VAMP7: variants seen among roughly 807,000 people sequenced by gnomAD.
VAMP7 encodes the protein vesicle-associated membrane protein 7.
In VAMP7, 14 loss-of-function variants were observed where a neutral mutation model predicts 29.6. The observed-to-expected ratio is 0.47, with a 90% CI of 0.31 to 0.74. VAMP7 has a LOEUF of 0.74. VAMP7 is among the 30% of genes least tolerant of loss of function. The pLI is 0.05. For synonymous variants in VAMP7, 95 were observed against 88.1 expected (o/e 1.08, Z -0.44); for missense variants, 223 against 262.4 (o/e 0.85, Z 1.04).
chrX:155,889,352 C>G, intron 1 of VAMP7, 106 bp from the exon 2 acceptor site: 1 of 1,429,094 alleles, frequency 7.0e-7, no homozygotes. Context: ...TATAGTGCCT[C>G]GTTAGATACT....
chrX:155,922,225 C>T (rs2066406608), intron 6 of VAMP7, among the ~76,000 whole-genome samples: 1 of 151,868 alleles, frequency 6.6e-6, no homozygotes, highest in Non-Finnish European at 1.5e-5. Flanking sequence ...CTTTTATTTT[C>T]CTTCCCTTAT....
intron 3 of VAMP7, among the ~76,000 whole-genome samples, chrX:155,896,522 T>C (rs921322816): frequency 6.6e-6 from 1 of 152,166 alleles, no homozygotes; most frequent in Non-Finnish European, 1.5e-5. Flanking sequence ...AATGATGTCA[T>C]TAAGGTCCTT....
At chrX:155,940,857 T>C (rs2066733889) in intron 7 of VAMP7, among the ~76,000 whole-genome samples, 1 of 152,174 alleles carries the variant, frequency 6.6e-6, no homozygotes. Context: ...CAGAATTTGC[T>C]GTAATCTGCC....
At chrX:155,917,447 A>ATC in intron 5 of VAMP7, among the ~76,000 whole-genome samples, 1 of 152,228 alleles carries the variant, frequency 6.6e-6, no homozygotes, top group Admixed American at 6.5e-5. Context: ...TCATGGATTT[A>ATC]TCTACCTTTG....
At chrX:155,894,717 G>C (rs929237752) in intron 2 of VAMP7, among the ~76,000 whole-genome samples, 7 of 151,996 alleles carry the variant, frequency 4.6e-5, no homozygotes, top group African/African-American at 1.7e-4. Flanking sequence ...CTGGGTTCCA[G>C]CGATCCTCCT....
At chrX:155,939,938 C>A in intron 7 of VAMP7, 145 bp downstream of exon 7, 1 of 685,202 alleles carries the variant, frequency 1.5e-6, no homozygotes, top group East Asian at 2.6e-5. Flanking sequence ...AGTGGCTTTC[C>A]TATGAAGTCA....
chrX:155,908,366 G>A (rs1176709639), intron 5 of VAMP7, among the ~76,000 whole-genome samples: 4 of 152,182 alleles, frequency 2.6e-5, no homozygotes, highest in Admixed American at 1.3e-4. Context: ...AGACCAGCCC[G>A]GCCAACACAG....
intron 6 of VAMP7, among the ~76,000 whole-genome samples, chrX:155,935,844 G>C (rs972299638): frequency 6.6e-6 from 1 of 151,918 alleles, no homozygotes; most frequent in African/African-American, 2.4e-5. Context: ...TCTACCTTTG[G>C]TCTTTGATGA....
chrX:155,911,542 C>T (rs1321544924), intron 5 of VAMP7, among the ~76,000 whole-genome samples: 1 of 152,006 alleles, frequency 6.6e-6, no homozygotes, highest in African/African-American at 2.4e-5. Context: ...TTGCTTTGGG[C>T]TTATGGTCAT....
At chrX:155,936,414 C>G (rs1048693558) in intron 6 of VAMP7, among the ~76,000 whole-genome samples, 28 of 152,330 alleles carry the variant, frequency 1.8e-4, no homozygotes, top group Non-Finnish European at 3.7e-4. Context: ...GCCTCTCCTC[C>G]AGCCTCGCTG....
intron 1 of VAMP7, among the ~76,000 whole-genome samples, chrX:155,884,419 G>A (rs767741642): frequency 4.6e-5 from 7 of 152,264 alleles, no homozygotes; most frequent in Admixed American, 1.3e-4. Flanking sequence ...GAACCACTGC[G>A]CCCAGCCAAA....
intron 5 of VAMP7, among the ~76,000 whole-genome samples, chrX:155,902,208 A>G (rs1055925845): frequency 2.6e-5 from 4 of 151,908 alleles, no homozygotes; most frequent in African/African-American, 7.2e-5. Flanking sequence ...TGATTTTTGT[A>G]CATTGATTTT....
At chrX:155,894,318 TTTTTTAATGTGTCC>T (rs2065960485) in intron 2 of VAMP7, among the ~76,000 whole-genome samples, 3 of 151,172 alleles carry the variant, frequency 2.0e-5, no homozygotes, top group African/African-American at 7.3e-5. Flanking sequence ...TTTTTTTTTT[TTTTTTAATGTGTCC>T]TTTTTAAAGT....
intron 1 of VAMP7, among the ~76,000 whole-genome samples, chrX:155,885,656 T>C (rs2065856628): frequency 6.6e-6 from 1 of 152,018 alleles, no homozygotes; most frequent in Admixed American, 6.6e-5. Flanking sequence ...GGCATCCATA[T>C]AAAAGAAGAG....
chrX:155,894,565 G>A (rs1212101471), intron 2 of VAMP7, among the ~76,000 whole-genome samples: 1 of 151,592 alleles, frequency 6.6e-6, no homozygotes, highest in Non-Finnish European at 1.5e-5. Context: ...TTACCTCTAG[G>A]CCCTTATGCT....
intron 1 of VAMP7, among the ~76,000 whole-genome samples, chrX:155,885,134 T>G (rs1054035819): frequency 1.3e-5 from 2 of 152,234 alleles, no homozygotes; most frequent in African/African-American, 4.8e-5. Context: ...GCATTTATAA[T>G]TCTCATTTGA....
intron 6 of VAMP7, among the ~76,000 whole-genome samples, chrX:155,920,620 G>T (rs765742125): frequency 1.3e-5 from 2 of 152,282 alleles, no homozygotes; most frequent in East Asian, 3.9e-4. Flanking sequence ...CTAGTATCAG[G>T]TTGCCTGGAT....
intron 4 of VAMP7, among the ~76,000 whole-genome samples, chrX:155,899,770 T>C (rs1355349410): frequency 6.6e-6 from 1 of 152,068 alleles, no homozygotes; most frequent in Admixed American, 6.6e-5. Context: ...CAATTTGTCA[T>C]TAGCTCTAGA....
chrX:155,934,889 A>T (rs1437535804), intron 6 of VAMP7, among the ~76,000 whole-genome samples: 1 of 151,966 alleles, frequency 6.6e-6, no homozygotes, highest in Non-Finnish European at 1.5e-5. Context: ...CTTGTAAGGC[A>T]GGCCTGGTGG....
Sources: allele counts gnomAD v4.1 joint callset (sites outside exome capture counted in the v4.1 genomes callset), GRCh38; gene constraint gnomAD v4.1.1; transcripts MANE v1.5; gene names NCBI Gene and HGNC (gene_info 2026-07-23, HGNC 2026-07-21).